SYT7: variants seen among roughly 807,000 people sequenced by gnomAD.
SYT7 encodes the protein synaptotagmin-7.
SYT7 carries 29 observed loss-of-function variants against 75.1 expected under a neutral mutation model. The ratio of observed to expected loss-of-function variants is 0.39; its 90% CI spans 0.29 to 0.53. SYT7 has a LOEUF of 0.53. Ranked by LOEUF, SYT7 falls within the 20% of genes least tolerant of loss-of-function variation. SYT7 has a pLI of 0.77. For synonymous variants in SYT7, 376 were observed against 401.7 expected (o/e 0.94, Z 0.76); for missense variants, 693 against 953.2 (o/e 0.73, Z 3.59).
At chr11:61,528,322 C>T in intron 8 of SYT7, 137 bp from the exon 9 acceptor site, 1 of 1,123,926 alleles carries the variant, frequency 8.9e-7, no homozygotes. Flanking sequence ...TGCTCAGGCT[C>T]AGAGGGCAGG....
rs2062100480 is a variant in SYT7, at chr11:61,513,767, A to G, written c.*4860T>C. ...CACACCTGGGCGTGCCACATGGAACATGTATGCAGACAGGGATCCCTGCCC... is the reference window on the plus strand; with the variant it reads ...CACACCTGGGCGTGCCACATGGAACGTGTATGCAGACAGGGATCCCTGCCC... On this transcript the variant is annotated 3_prime_UTR_variant, in exon 13 of 13. Transcript: ENST00000539008. 6.6e-6 allele frequency among the ~76,000 whole-genome samples: 1 copy of G among 152,236 alleles called. No individual in the cohort carries two copies. The highest frequency in any genetic ancestry group is 2.4e-5 in the African/African-American group (1 of 41,458).
intron 1 of SYT7, among the ~76,000 whole-genome samples, chr11:61,569,922 C>G (rs1008489055): frequency 9.9e-5 from 15 of 152,218 alleles, no homozygotes; most frequent in African/African-American, 3.1e-4. Context: ...TGCGGGCGGG[C>G]ATGATGGCAG....
intron 6 of SYT7, chr11:61,540,962 A>G: frequency 1.0e-6 from 1 of 985,410 alleles, no homozygotes; most frequent in Non-Finnish European, 1.2e-6. Context: ...AGAGCCCCAG[A>G]GAATATGGTG....
intron 6 of SYT7, among the ~76,000 whole-genome samples, chr11:61,538,667 G>A (rs1355176351): frequency 6.6e-6 from 1 of 152,082 alleles, no homozygotes. Flanking sequence ...TAGGGTGGGG[G>A]GAATGGAGCA....
intron 12 of SYT7, 104 bp downstream of exon 12, chr11:61,522,971 C>T (rs2062392345): frequency 8.6e-7 from 1 of 1,167,732 alleles, no homozygotes; most frequent in African/African-American, 1.5e-5. Flanking sequence ...CCCAATCTCT[C>T]CTGGTGTCCA....
Position 61,551,253 on chromosome 11 carries a change from G to C in SYT7, c.215+131C>G. 1.2e-6 allele frequency: 1 copy of C among 864,870 alleles called. No individual in the cohort carries two copies. The highest frequency in any genetic ancestry group is 1.8e-6 in the Non-Finnish European group (1 of 544,726). The allele number at this position is 864,870 out of a possible 1,614,324, so 53.6% of individuals were successfully genotyped here. Reference sequence around the variant, plus strand: ...TTTTTGGGGGTGTGTGGAGGGTGTAGAGAGCATGGCATCGGGGTGTGGGGG... The same window carrying C: ...TTTTTGGGGGTGTGTGGAGGGTGTACAGAGCATGGCATCGGGGTGTGGGGG... On this transcript the variant is annotated intron_variant, in intron 3 of 12. Transcript: ENST00000539008. This position sits in a 1 kb window ranked among gnomAD's most constrained non-coding sequence, Gnocchi z 5.3.
At chr11:61,567,458 G>A (rs1273766806) in intron 1 of SYT7, among the ~76,000 whole-genome samples, 6 of 152,082 alleles carry the variant, frequency 3.9e-5, no homozygotes, top group African/African-American at 1.5e-4. Context: ...CGCCCTTTGC[G>A]CAGCTCCCAG....
intron 7 of SYT7, among the ~76,000 whole-genome samples, chr11:61,534,448 CACACGCACGTGCGTGCATATGT>C (rs1171413698): frequency 6.6e-6 from 1 of 150,820 alleles, no homozygotes; most frequent in African/African-American, 2.4e-5. Context: ...CACGCACGCA[CACACGCACGTGCGTGCATATGT>C]ACACACACAC....
In SYT7 at chr11:61,546,959, G is replaced by A. The variant is rs2063209763; in HGVS notation, c.347+218C>T. Among the ~76,000 whole-genome samples, 1 of 152,130 alleles carries A rather than the reference G, an allele frequency of 6.6e-6. No homozygotes were observed. Among genetic ancestry groups the A allele is most frequent in the Non-Finnish European group, 1.5e-5 (1 of 68,034 alleles). ...CTCTCCTGCAAGGCTGGCCCTGGGG[G>A]AGGGGACGGGAGCGGGCAGGCAGGT... On this transcript the variant is annotated intron_variant, in intron 4 of 12. Transcript: ENST00000539008. The surrounding 1 kb of genome is among the most constrained non-coding windows in gnomAD (Gnocchi z 7.6).
At chr11:61,530,706 T>G in intron 8 of SYT7, 1 of 802,386 alleles carries the variant, frequency 1.2e-6, no homozygotes, top group Non-Finnish European at 1.5e-6. Context: ...CTCTGGTCCC[T>G]TGGCTCCTGG....
chr11:61,514,086 C>A lies in SYT7; in HGVS notation c.*4541G>T, dbSNP rs1432532308. Reference sequence around the variant, plus strand: ...GGGTGGGGGAGCATCTCAGAGCAGGCATGGACGAAGACAGACCCAGAGAAG... The same window carrying A: ...GGGTGGGGGAGCATCTCAGAGCAGGAATGGACGAAGACAGACCCAGAGAAG... On this transcript the variant is annotated 3_prime_UTR_variant, in exon 13 of 13. Transcript: ENST00000539008. Among the ~76,000 whole-genome samples, 4 of 152,062 alleles carry A rather than the reference C, an allele frequency of 2.6e-5. No individual in the cohort carries two copies. The highest frequency in any genetic ancestry group is 5.9e-5 in the Non-Finnish European group (4 of 68,022).
chr11:61,522,369 T>C (rs2062368770), intron 12 of SYT7, among the ~76,000 whole-genome samples: 2 of 151,994 alleles, frequency 1.3e-5, no homozygotes, highest in South Asian at 4.2e-4. Flanking sequence ...TTTCTATTTT[T>C]AGTAGAGACG....
chr11:61,587,599 G>A, the SYT7 span, among the ~76,000 whole-genome samples: 4 of 152,238 alleles, frequency 2.6e-5, no homozygotes, highest in Non-Finnish European at 5.9e-5. Context: ...CCAGGGCCGC[G>A]CAGAAGGCGC....
At position 61,542,662 on chromosome 11, in the gene SYT7, C is replaced by T; in HGVS notation, c.573-83G>A. On this transcript the variant is annotated intron_variant, in intron 5 of 12. Transcript: ENST00000539008. The surrounding 1 kb of genome is among the most constrained non-coding windows in gnomAD (Gnocchi z 7.8). ...AAGAGAAAGAAGCCGAGGGCCAGGA[C>T]TAGGAGGCCCCAGTGCAGGGTGCGC... 1 of 1,421,746 alleles carries T rather than the reference C, an allele frequency of 7.0e-7. No individual in the cohort carries two copies. 88.1% of individuals were successfully genotyped at this position (1,421,746 alleles called of 1,614,324 possible). A position where few individuals can be genotyped will look rare whatever the true frequency, so the allele number is the denominator to read the frequency against.
chr11:61,579,608 G>A (rs1453922505), intron 1 of SYT7, among the ~76,000 whole-genome samples: 1 of 152,224 alleles, frequency 6.6e-6, no homozygotes, highest in Non-Finnish European at 1.5e-5. Flanking sequence ...AGCAAATGTG[G>A]GGCTAGGGCA....
chr11:61,568,782 T>C (rs530740615), intron 1 of SYT7, among the ~76,000 whole-genome samples: 13 of 152,366 alleles, frequency 8.5e-5, no homozygotes, highest in Admixed American at 1.3e-4. Context: ...CCTTGAACTC[T>C]GTAGCACTTT....
At chr11:61,549,277 A>T (rs1017368059) in intron 3 of SYT7, among the ~76,000 whole-genome samples, 11 of 152,294 alleles carry the variant, frequency 7.2e-5, no homozygotes, top group African/African-American at 2.6e-4. Flanking sequence ...GTACTGGAAA[A>T]AAGGATCTTT....
chr11:61,554,495 A>G (rs2063438931), intron 2 of SYT7, among the ~76,000 whole-genome samples: 1 of 152,094 alleles, frequency 6.6e-6, no homozygotes, highest in South Asian at 2.1e-4. Flanking sequence ...ATACCCTCAA[A>G]GTCAACACAT....
Position 61,546,501 on chromosome 11 carries a change from G to C in SYT7, c.348-246C>G. 1.5e-5 allele frequency: 7 copies of C among 452,228 alleles called. No homozygotes were observed. The highest frequency in any genetic ancestry group is 6.2e-5 in the Admixed American group (2 of 32,458). 28.0% of individuals were successfully genotyped at this position (452,228 alleles called of 1,614,324 possible). A position where few individuals can be genotyped will look rare whatever the true frequency, so the allele number is the denominator to read the frequency against. ...GCGGAGCCTGCAGAGGAGAGAGGGGGACCGGGCGGGCTGGGGGTCGGAGAA... is the reference window on the plus strand; with the variant it reads ...GCGGAGCCTGCAGAGGAGAGAGGGGCACCGGGCGGGCTGGGGGTCGGAGAA... On this transcript the variant is annotated intron_variant, in intron 4 of 12. Coordinates refer to ENST00000539008, the MANE Select transcript of SYT7 (RefSeq NM_001365809.2). This position sits in a 1 kb window ranked among gnomAD's most constrained non-coding sequence, Gnocchi z 7.6.
Sources: gnomAD v4.1 joint callset for allele counts (sites outside exome capture counted in the v4.1 genomes callset) on GRCh38, gnomAD v4.1.1 for gene constraint, Gnocchi (gnomAD v3.1) non-coding constraint, MANE v1.5 for transcripts, NCBI Gene and HGNC (gene_info 2026-07-23, HGNC 2026-07-21) for gene names.